The following ERP44 variants were observed in gnomAD, a reference collection of about 807,000 sequenced individuals.
ERP44 encodes the protein endoplasmic reticulum resident protein 44.
A neutral mutation model predicts 53.4 loss-of-function variants in ERP44; 25 were observed. The ratio of observed to expected loss-of-function variants is 0.47; its 90% CI spans 0.34 to 0.65. The LOEUF (loss-of-function observed/expected upper bound fraction) is 0.65. ERP44 is among the 30% of genes least tolerant of loss of function. ERP44 has a pLI of 0.01. For missense variants in ERP44, 338 were observed against 493.2 expected (o/e 0.69, Z 2.98); for synonymous variants, 145 against 161.2 (o/e 0.90, Z 0.76).
At chr9:100,094,379 C>T (rs994194578) in intron 1 of ERP44, among the ~76,000 whole-genome samples, 3 of 152,014 alleles carry the variant, frequency 2.0e-5, no homozygotes, top group South Asian at 2.1e-4. Context: ...TATTCCAGGC[C>T]GGGCGTGGTG....
At chr9:99,995,936 T>TTTTTTTTTTTTTTTTTTTTTTC (rs1830305324) in intron 10 of ERP44, among the ~76,000 whole-genome samples, 1 of 151,092 alleles carries the variant, frequency 6.6e-6, no homozygotes, top group Non-Finnish European at 1.5e-5. Context: ...TTTTTTTTTT[T>TTTTTTTTTTTTTTTTTTTTTTC]TTTTTATTTT....
chr9:100,020,623 C>T lies in ERP44; in HGVS notation c.580G>A (p.Ala194Thr). 6.3e-7 allele frequency: 1 copy of T among 1,578,066 alleles called. No homozygotes were observed. Among genetic ancestry groups the T allele is most frequent in the South Asian group, 1.1e-5 (1 of 90,064 alleles). The change falls in exon 6 of 12, where the codon GCA (alanine) becomes ACA (threonine). Residue 194 changes from alanine to threonine, a missense_variant. By Grantham distance (58) the Ala-to-Thr change is moderately conservative. Coordinates refer to ENST00000262455, the MANE Select transcript of ERP44 (RefSeq NM_015051.3). ...TTTAAATAAGATACTTACCCAAATG[C>T]AGAAAGAAAGGCACAGTCATCATGC... ...ILHDDCAFLS[A>T]FGDVSKPERY...
chr9:99,993,073 A>G (rs950938837), intron 10 of ERP44, among the ~76,000 whole-genome samples: 1 of 152,252 alleles, frequency 6.6e-6, no homozygotes, highest in Admixed American at 6.5e-5. Flanking sequence ...AATATCATAA[A>G]AATGGCCATA....
rs1405378383 is a variant in ERP44, at chr9:100,016,368, T to A, written c.716A>T (p.Asp239Val). 1 of 1,613,130 alleles carries A rather than the reference T, an allele frequency of 6.2e-7. No individual in the cohort carries two copies. Among genetic ancestry groups the A allele is most frequent in the Admixed American group, 1.7e-5 (1 of 59,802 alleles). Residue 239 changes from aspartate (D) to valine (V), a missense_variant, in exon 8 of 12, where the codon GAT becomes GTT. Physicochemically the swap from Asp to Val is radical, Grantham distance 152. Coordinates refer to ENST00000262455, the MANE Select transcript of ERP44 (RefSeq NM_015051.3). ...NFDVTYNWIQ[D>V]KCVPLVREIT... Reference sequence around the variant, plus strand: ...TTCTCGGACAAGAGGAACACATTTATCTTGAATCCAATTGTAAGTCACATC... The same window carrying A: ...TTCTCGGACAAGAGGAACACATTTAACTTGAATCCAATTGTAAGTCACATC...
At chr9:100,052,303 T>TAA (rs202031558) in intron 4 of ERP44, 114 bp downstream of exon 4, 401 of 387,324 alleles carry the variant, frequency 1.0e-3, no homozygotes, top group African/African-American at 1.8e-3. Context: ...GCAGAGCATT[T>TAA]AAAAAAAAAA....
chr9:100,042,512 A>C lies in ERP44; in HGVS notation c.286+9905T>G, dbSNP rs112223513. ...AGAACAGTTTGGAGGTGACTCAAAA[A>C]AAGTAAAAATAGAACGACCATATGA... is the stretch of plus-strand genomic sequence containing the variant. On this transcript the variant is annotated intron_variant, in intron 4 of 11. Transcript: ENST00000262455. 8.1e-3 allele frequency among the ~76,000 whole-genome samples: 1,226 copies of C among 152,260 alleles called. 20 individuals carry two copies. The highest frequency in any genetic ancestry group is 0.028 in the African/African-American group (1,163 of 41,508).
intron 4 of ERP44, among the ~76,000 whole-genome samples, chr9:100,034,023 T>C (rs1231801931): frequency 6.6e-6 from 1 of 152,168 alleles, no homozygotes; most frequent in African/African-American, 2.4e-5. Flanking sequence ...AGGTCAACTC[T>C]GTCAGAGGCG....
intron 10 of ERP44, among the ~76,000 whole-genome samples, chr9:99,992,863 T>G (rs1358578394): frequency 6.6e-6 from 1 of 152,202 alleles, no homozygotes; most frequent in Non-Finnish European, 1.5e-5. Flanking sequence ...AGCATTCTTA[T>G]ACACCAGTAA....
Position 100,018,420 on chromosome 9 carries a change from T to A in ERP44, c.588-107A>T. On this transcript the variant is annotated intron_variant, in intron 6 of 11. Coordinates refer to ENST00000262455, the MANE Select transcript of ERP44 (RefSeq NM_015051.3). Reference sequence around the variant, plus strand: ...TCCATCATCTTCCCTATTACAAGACTATGCAATACCAAGAAAAGTATACAT... The same window carrying A: ...TCCATCATCTTCCCTATTACAAGACAATGCAATACCAAGAAAAGTATACAT... The A allele has an allele frequency of 4.2e-6, 3 of 710,916 alleles. No individual in the cohort carries two copies. In the South Asian group the frequency reaches 4.7e-5, roughly 11 times the overall value. 44.0% of individuals were successfully genotyped at this position (710,916 alleles called of 1,614,324 possible).
intron 8 of ERP44, among the ~76,000 whole-genome samples, chr9:100,009,265 C>G (rs1830448634): frequency 1.3e-5 from 2 of 152,172 alleles, no homozygotes; most frequent in African/African-American, 4.8e-5. Flanking sequence ...GTGCACATCA[C>G]CATGCCCAGC....
At chr9:99,988,583 A>G (rs1463734173) in intron 10 of ERP44, among the ~76,000 whole-genome samples, 1 of 152,244 alleles carries the variant, frequency 6.6e-6, no homozygotes, top group African/African-American at 2.4e-5. Flanking sequence ...CCGAATAGGA[A>G]GAGCTCCAAT....
chr9:100,058,176 C>T (rs140064988), intron 2 of ERP44, among the ~76,000 whole-genome samples: 7 of 152,160 alleles, frequency 4.6e-5, no homozygotes, highest in African/African-American at 1.4e-4. Flanking sequence ...CCTGGGTTGA[C>T]GTGATCCTCC....
chr9:99,998,897 C>G, intron 10 of ERP44: 1 of 1,593,280 alleles, frequency 6.3e-7, no homozygotes, highest in Non-Finnish European at 8.6e-7. Context: ...CTCCATCTCC[C>G]CCAGCAGTCT....
chr9:99,982,669 C>T lies in ERP44; in HGVS notation c.1164G>A (p.Gln388=), dbSNP rs777261088. The change falls in exon 12 of 12, where the codon CAG becomes CAA. Residue 388 remains glutamine, a synonymous_variant. Coordinates refer to ENST00000262455, the MANE Select transcript of ERP44 (RefSeq NM_015051.3). The part of the protein sequence containing the change: ...VASSPPESSF[Q]KLAPSEYRYT... Reference sequence around the variant, plus strand: ...ACCTATATTCACTGGGTGCTAGTTTCTGGAAGGAGCTCTCAGGTGGACTGC... The same window carrying T: ...ACCTATATTCACTGGGTGCTAGTTTTTGGAAGGAGCTCTCAGGTGGACTGC... The T allele has an allele frequency of 1.7e-5, 28 of 1,609,812 alleles. No individual in the cohort carries two copies. Among genetic ancestry groups the T allele is most frequent in the Non-Finnish European group, 2.3e-5 (27 of 1,178,860 alleles).
intron 1 of ERP44, among the ~76,000 whole-genome samples, chr9:100,096,391 G>A (rs575748866): frequency 1.3e-5 from 2 of 151,438 alleles, no homozygotes; most frequent in Admixed American, 6.6e-5. Context: ...CTATATAGAC[G>A]CAAATAAATA....
chr9:100,098,128 G>C (rs1826670135), intron 1 of ERP44, among the ~76,000 whole-genome samples: 1 of 152,178 alleles, frequency 6.6e-6, no homozygotes, highest in African/African-American at 2.4e-5. Flanking sequence ...AGTTAGGAAT[G>C]AATGCATATT....
rs566727562 is a variant in ERP44 at position 100,068,304 on chromosome 9, G to A, written c.58-8132C>T. ...TGGGAAGTGAGGAGCCCCTCTACCC[G>A]GCCAGCTGCCCCGTCCGGGAGGGAG... On this transcript the variant is annotated intron_variant, in intron 1 of 11. Transcript: ENST00000262455. 3.1e-3 allele frequency among the ~76,000 whole-genome samples: 457 copies of A among 145,748 alleles called. 3 individuals are homozygous for A. Among genetic ancestry groups the A allele is most frequent in the African/African-American group, 0.011 (421 of 39,084 alleles).
At chr9:100,080,872 T>A (rs1217491411) in intron 1 of ERP44, among the ~76,000 whole-genome samples, 1 of 152,102 alleles carries the variant, frequency 6.6e-6, no homozygotes. Flanking sequence ...AAGATGAGTA[T>A]CCTGCCAGTA....
At chr9:100,009,246 G>A in intron 8 of ERP44, among the ~76,000 whole-genome samples, 1 of 151,914 alleles carries the variant, frequency 6.6e-6, no homozygotes, top group East Asian at 1.9e-4. Context: ...TGAGTAGCTG[G>A]GACAACAAGT....
Sources: gnomAD v4.1 joint callset for allele counts (sites outside exome capture counted in the v4.1 genomes callset) on GRCh38, gnomAD v4.1.1 for gene constraint, MANE v1.5 for transcripts, NCBI Gene and HGNC (gene_info 2026-07-23, HGNC 2026-07-21) for gene names.